Variants in CLPB observed in about 807,000 individuals in gnomAD.
CLPB encodes the protein mitochondrial disaggregase.
In CLPB, 40 loss-of-function variants were observed where a neutral mutation model predicts 78.4. That is an observed-to-expected ratio of 0.51 (90% CI 0.40 to 0.66). The LOEUF (loss-of-function observed/expected upper bound fraction) is 0.66, where lower values mean the gene tolerates loss of function less well. Among genes scored for constraint, CLPB ranks in the 30% least tolerant of loss-of-function variants. The pLI, the probability that CLPB is intolerant of heterozygous loss-of-function variation, is 0.00. For missense variants in CLPB, 780 were observed against 886.9 expected (o/e 0.88, Z 1.53); for synonymous variants, 333 against 348.0 (o/e 0.96, Z 0.48).
intron 2 of CLPB, among the ~76,000 whole-genome samples, chr11:72,416,654 T>G (rs886648915): frequency 6.8e-6 from 1 of 147,800 alleles, no homozygotes; most frequent in African/African-American, 2.5e-5. Context: ...AAGAATCGCT[T>G]GAACCCGGGA....
chr11:72,382,529 C>A (rs1854948099), intron 3 of CLPB, among the ~76,000 whole-genome samples: 1 of 152,118 alleles, frequency 6.6e-6, no homozygotes, highest in African/African-American at 2.4e-5. Flanking sequence ...CCCTGTGGTC[C>A]CAATCAATAG....
intron 3 of CLPB, among the ~76,000 whole-genome samples, chr11:72,388,822 C>G (rs192814711): frequency 6.6e-6 from 1 of 152,254 alleles, no homozygotes; most frequent in East Asian, 1.9e-4. Flanking sequence ...ACCAAAAGAA[C>G]CTCACTGAAA....
chr11:72,334,870 T>G (rs1428472590), intron 5 of CLPB, among the ~76,000 whole-genome samples: 2 of 152,234 alleles, frequency 1.3e-5, no homozygotes, highest in African/African-American at 4.8e-5. Context: ...CTCTCCAGAT[T>G]AGTGTGTCCC....
At chr11:72,297,701 GTGAC>G (rs2135492016) in intron 11 of CLPB, among the ~76,000 whole-genome samples, 1 of 126,880 alleles carries the variant, frequency 7.9e-6, no homozygotes, top group South Asian at 2.5e-4. Flanking sequence ...GTGTGTGTGT[GTGAC>G]ATGTCCAAGC....
intron 5 of CLPB, among the ~76,000 whole-genome samples, chr11:72,331,124 G>C (rs1270779206): frequency 6.6e-6 from 1 of 150,848 alleles, no homozygotes; most frequent in Non-Finnish European, 1.5e-5. Flanking sequence ...ATTTTTTTTG[G>C]CCAGGTGTGG....
chr11:72,418,777 C>T (rs569938489), intron 2 of CLPB, among the ~76,000 whole-genome samples: 19 of 151,668 alleles, frequency 1.3e-4, no homozygotes, highest in African/African-American at 4.6e-4. Flanking sequence ...ATCGCTTGAA[C>T]CCAGGAGTCA....
chr11:72,430,434 C>A, intron 1 of CLPB, 71 bp from the exon 2 acceptor site: 1 of 1,382,456 alleles, frequency 7.2e-7, no homozygotes, highest in Non-Finnish European at 1.0e-6. Flanking sequence ...GTGGAGGGCC[C>A]ACTAAGACAG....
intron 1 of CLPB, 192 bp from the exon 2 acceptor site, chr11:72,430,555 C>G: frequency 1.7e-6 from 1 of 579,240 alleles, no homozygotes; most frequent in Non-Finnish European, 3.1e-6. Flanking sequence ...AACCTGACTT[C>G]CACACCTTTC....
chr11:72,307,053 TG>T, intron 9 of CLPB, 145 bp downstream of exon 9: 1 of 630,400 alleles, frequency 1.6e-6, no homozygotes, highest in East Asian at 2.8e-5. Context: ...GTGGCCAAGT[TG>T]GGGCCAGAGC....
rs530624569 is a variant in CLPB, at chr11:72,425,606, C to T, written c.455+4706G>A. 5.3e-5 allele frequency among the ~76,000 whole-genome samples: 8 copies of T among 152,310 alleles called. No homozygotes were observed. The South Asian group carries it at 1.7e-3, about 32-fold the overall frequency. ...CTCAGGGCTAGGCACAAAGCACAGGCTGGACAGATGGGCGACTGAGGGACA... is the reference window on the plus strand; with the variant it reads ...CTCAGGGCTAGGCACAAAGCACAGGTTGGACAGATGGGCGACTGAGGGACA... On this transcript the variant is annotated intron_variant, in intron 2 of 15. Transcript: ENST00000538039.
At position 72,360,503 on chromosome 11, in the gene CLPB, G is replaced by A. The variant is rs1030986952; in HGVS notation, c.647-1495C>T. Among the ~76,000 whole-genome samples, 18 of 151,962 alleles carry A rather than the reference G, an allele frequency of 1.2e-4. No homozygotes were observed. The East Asian group carries it at 2.3e-3, about 20-fold the overall frequency. ...GTCACCCAGGCTGGAGGGCAGTGGC[G>A]CGATCTGGCTCAATGCAGCCTCTAC... On this transcript the variant is annotated intron_variant, in intron 4 of 15. Transcript: ENST00000538039.
At chr11:72,359,138 T>G in intron 4 of CLPB, 130 bp from the exon 5 acceptor site, 6 of 1,424,102 alleles carry the variant, frequency 4.2e-6, no homozygotes, top group Non-Finnish European at 5.9e-6. Context: ...TGGCACCTAC[T>G]ATGTTCCTGG....
At chr11:72,344,396 G>A (rs1950475207) in intron 5 of CLPB, among the ~76,000 whole-genome samples, 1 of 150,916 alleles carries the variant, frequency 6.6e-6, no homozygotes, top group East Asian at 1.9e-4. Flanking sequence ...TTTTTTTGTA[G>A]AGACAGGGTT....
intron 4 of CLPB, among the ~76,000 whole-genome samples, chr11:72,374,052 C>A (rs1284135493): frequency 6.6e-6 from 1 of 151,804 alleles, no homozygotes; most frequent in East Asian, 1.9e-4. Flanking sequence ...GACAGGGGCA[C>A]CGGAGGCCAG....
rs1949426108 is a variant in CLPB at position 72,289,412 on chromosome 11, C to CT, written c.*3954dup. 1 of 152,026 alleles carries CT rather than the reference C, an allele frequency of 6.6e-6. No individual in the cohort carries two copies. The highest frequency in any genetic ancestry group is 1.5e-5 in the Non-Finnish European group (1 of 68,024). 9.4% of individuals were successfully genotyped at this position (152,026 alleles called of 1,614,324 possible). On this transcript the variant is annotated 3_prime_UTR_variant, in exon 16 of 16. Coordinates refer to ENST00000538039, the MANE Select transcript of CLPB (RefSeq NM_001258392.3). Reference sequence around the variant, plus strand: ...TGCACACAGGCTGGTTACTAGCTGACTTAACTAGAGCCTCTATGGGAAGTC... The same window carrying CT: ...TGCACACAGGCTGGTTACTAGCTGACTTTAACTAGAGCCTCTATGGGAAGTC...
intron 3 of CLPB, among the ~76,000 whole-genome samples, chr11:72,387,800 T>G (rs1239848399): frequency 2.0e-5 from 3 of 152,204 alleles, no homozygotes; most frequent in Non-Finnish European, 4.4e-5. Flanking sequence ...AGTCCTGCGT[T>G]AAGAAGGCAG....
At chr11:72,390,050 T>C (rs569904496) in intron 3 of CLPB, among the ~76,000 whole-genome samples, 4 of 152,342 alleles carry the variant, frequency 2.6e-5, no homozygotes, top group Admixed American at 6.5e-5. Flanking sequence ...GTATGTTATA[T>C]TGCCTTTCAC....
intron 11 of CLPB, among the ~76,000 whole-genome samples, chr11:72,296,739 G>A (rs1274427837): frequency 6.6e-6 from 1 of 152,144 alleles, no homozygotes; most frequent in Non-Finnish European, 1.5e-5. Flanking sequence ...AACAGAGGCT[G>A]GGTCTTGTTC....
chr11:72,432,395 C>G (rs778121939), intron 1 of CLPB, among the ~76,000 whole-genome samples: 1 of 152,150 alleles, frequency 6.6e-6, no homozygotes, highest in Non-Finnish European at 1.5e-5. Flanking sequence ...CTCCCCTTTC[C>G]GTTTCTACTT....
Sources: gnomAD v4.1 joint callset for allele counts (sites outside exome capture counted in the v4.1 genomes callset) on GRCh38, gnomAD v4.1.1 for gene constraint, MANE v1.5 for transcripts, NCBI Gene and HGNC (gene_info 2026-07-23, HGNC 2026-07-21) for gene names.